ATP11A: variants seen among roughly 807,000 people sequenced by gnomAD.
ATP11A encodes the protein phospholipid-transporting ATPase IH.
A neutral mutation model predicts 154.4 loss-of-function variants in ATP11A; 81 were observed. The ratio of observed to expected loss-of-function variants is 0.52; its 90% CI spans 0.44 to 0.63. The LOEUF (loss-of-function observed/expected upper bound fraction) is 0.63, where lower values mean the gene tolerates loss of function less well. ATP11A is among the 30% of genes least tolerant of loss of function. The probability of loss-of-function intolerance (pLI) is 0.00; values close to 1 mark genes in which losing one functional copy is unlikely to be tolerated. For missense variants in ATP11A, 1,316 were observed against 1,474.3 expected (o/e 0.89, Z 1.76); for synonymous variants, 623 against 585.9 (o/e 1.06, Z -0.91).
At position 112,882,222 on chromosome 13, in the gene ATP11A, G is replaced by A. The variant is rs987779613; in HGVS notation, c.*356G>A. ...CCACACCAGTGGCCTCTGGGCATTC[G>A]GCTCAACGCAGGAGGGACATTCTGC... On this transcript the variant is annotated 3_prime_UTR_variant, in exon 30 of 30. Transcript: ENST00000375645. The surrounding 1 kb of genome is among the most constrained non-coding windows in gnomAD (Gnocchi z 5.1). The A allele has an allele frequency of 4.0e-5, 38 of 947,542 alleles. No homozygotes were observed. The highest frequency in any genetic ancestry group is 5.3e-5 in the Admixed American group (2 of 37,742). 58.7% of individuals were successfully genotyped at this position (947,542 alleles called of 1,614,324 possible). A position where few individuals can be genotyped will look rare whatever the true frequency, so the allele number is the denominator to read the frequency against.
At chr13:112,858,349 C>A in intron 22 of ATP11A, 59 bp downstream of exon 22, 3 of 1,531,410 alleles carry the variant, frequency 2.0e-6, no homozygotes, top group African/African-American at 2.8e-5. Flanking sequence ...CAGGGTGGCA[C>A]GACCCTTGTC....
intron 6 of ATP11A, among the ~76,000 whole-genome samples, chr13:112,817,175 A>G (rs2078668650): frequency 6.6e-6 from 1 of 152,246 alleles, no homozygotes; most frequent in African/African-American, 2.4e-5. Flanking sequence ...AGTTTATGAA[A>G]GTGAGCATAG....
chr13:112,705,389 AGTTGAT>A (rs978252025), intron 1 of ATP11A, among the ~76,000 whole-genome samples: 1 of 136,814 alleles, frequency 7.3e-6, no homozygotes, highest in African/African-American at 3.7e-5. Context: ...GGTGCTCAGC[AGTTGAT>A]GTTCATCCCG....
intron 12 of ATP11A, among the ~76,000 whole-genome samples, chr13:112,830,610 AT>A: frequency 6.6e-6 from 1 of 152,316 alleles, no homozygotes; most frequent in East Asian, 1.9e-4. Flanking sequence ...TGCTTTTGGG[AT>A]TGAAAAGCGT....
intron 2 of ATP11A, among the ~76,000 whole-genome samples, chr13:112,799,797 T>C (rs1278802147): frequency 1.3e-5 from 2 of 152,194 alleles, no homozygotes; most frequent in Non-Finnish European, 2.9e-5. Flanking sequence ...GGCCATAAAA[T>C]ACACCTTAGC....
intron 1 of ATP11A, among the ~76,000 whole-genome samples, chr13:112,758,488 A>G (rs148322104): frequency 0.012 from 1,781 of 151,560 alleles, 38 homozygotes; most frequent in African/African-American, 0.041. Context: ...CAGTGGCACA[A>G]TCTCGGCTCA....
chr13:112,756,122 C>T (rs888933656), intron 1 of ATP11A, among the ~76,000 whole-genome samples: 1 of 152,252 alleles, frequency 6.6e-6, no homozygotes, highest in African/African-American at 2.4e-5. Context: ...TTCTTAGCAA[C>T]CCTGGTGTTG....
At chr13:112,702,619 C>T (rs1886703191) in intron 1 of ATP11A, among the ~76,000 whole-genome samples, 1 of 152,274 alleles carries the variant, frequency 6.6e-6, no homozygotes, top group Non-Finnish European at 1.5e-5. Context: ...GGGCTTCTCT[C>T]TCTGTGAGAC....
intron 1 of ATP11A, among the ~76,000 whole-genome samples, chr13:112,719,579 G>A (rs1179488554): frequency 6.6e-6 from 1 of 152,296 alleles, no homozygotes; most frequent in Admixed American, 6.5e-5. Flanking sequence ...CTCCCACTGG[G>A]CAATGGCAGA....
chr13:112,865,937 C>A (rs1244918677), intron 25 of ATP11A, among the ~76,000 whole-genome samples: 1 of 152,214 alleles, frequency 6.6e-6, no homozygotes, highest in Non-Finnish European at 1.5e-5. Context: ...ACCATTTAGA[C>A]ATTGCATTTT....
chr13:112,724,058 A>C (rs1594425319), intron 1 of ATP11A, among the ~76,000 whole-genome samples: 1 of 149,946 alleles, frequency 6.7e-6, no homozygotes, highest in South Asian at 2.1e-4. Flanking sequence ...CACACCTCTC[A>C]CCAGCGCCCA....
intron 1 of ATP11A, among the ~76,000 whole-genome samples, chr13:112,774,680 T>C (rs2077303716): frequency 1.3e-5 from 2 of 152,244 alleles, no homozygotes; most frequent in African/African-American, 4.8e-5. Flanking sequence ...TTCGCCTTCC[T>C]GTGTTTGCAT....
At position 112,799,606 on chromosome 13, in the gene ATP11A, TGGA is replaced by T. The variant is rs1452411624; in HGVS notation, c.163-5350_163-5348del. On this transcript the variant is annotated intron_variant, in intron 2 of 29. Coordinates refer to ENST00000375645, the MANE Select transcript of ATP11A (RefSeq NM_015205.3). ...GTGAGGCAGGAACAAATCACAAAGG[TGGA>T]ATGTCATCTTTTGTGGTTCTTCAGT... 2.0e-5 allele frequency among the ~76,000 whole-genome samples: 3 copies of T among 152,178 alleles called. No homozygotes were observed. In the East Asian group the frequency reaches 5.8e-4, roughly 29 times the overall value.
intron 1 of ATP11A, among the ~76,000 whole-genome samples, chr13:112,784,511 G>T (rs2077573712): frequency 6.7e-6 from 1 of 150,166 alleles, no homozygotes; most frequent in South Asian, 2.1e-4. Context: ...TTACGATTTG[G>T]CCACACGTTC....
Position 112,792,626 on chromosome 13 carries a change from T to C in ATP11A, c.162+7369T>C, listed in dbSNP as rs138908962. ...TTGACGGAAGTGCAGTTACTGGTGA[T>C]AGGTGATGATAGAGTTTGTTTCCTT... On this transcript the variant is annotated intron_variant, in intron 2 of 29. Transcript: ENST00000375645. Among the ~76,000 whole-genome samples, 143 of 152,304 alleles carry C rather than the reference T, an allele frequency of 9.4e-4. 1 individual carries two copies. Among genetic ancestry groups the C allele is most frequent in the Admixed American group, 1.8e-3 (28 of 15,300 alleles).
At position 112,755,366 on chromosome 13, in the gene ATP11A, A is replaced by G. The variant is rs560313008; in HGVS notation, c.40-29769A>G. Among the ~76,000 whole-genome samples the G allele has an allele frequency of 2.6e-5, 4 of 152,164 alleles. No individual in the cohort carries two copies. The South Asian group carries it at 8.3e-4, about 32-fold the overall frequency. On this transcript the variant is annotated intron_variant, in intron 1 of 29. Transcript: ENST00000375645. ...TCTGCCCAGCTTGGACAGTCTCTCT[A>G]CACCCAGAGACCGGTTTTCCGCTTC...
chr13:112,708,684 T>C (rs1887421058), intron 1 of ATP11A, among the ~76,000 whole-genome samples: 1 of 152,256 alleles, frequency 6.6e-6, no homozygotes, highest in Non-Finnish European at 1.5e-5. Flanking sequence ...GTTTCTCGGC[T>C]TCCCTGGCTG....
At chr13:112,734,386 T>C (rs1890791989) in intron 1 of ATP11A, among the ~76,000 whole-genome samples, 1 of 152,018 alleles carries the variant, frequency 6.6e-6, no homozygotes, top group African/African-American at 2.4e-5. Context: ...CTGAAAGAGG[T>C]TGGTCTTCAT....
rs2078221766 is a variant in ATP11A at position 112,803,881 on chromosome 13, T to TC, written c.163-1073dup. ...CCTTTTCCTCCTTGCTTCCCTTCCT[T>TC]CCCTCATTCCCCTCCTTCCCTCCTT... On this transcript the variant is annotated intron_variant, in intron 2 of 29. Coordinates refer to ENST00000375645, the MANE Select transcript of ATP11A (RefSeq NM_015205.3). Among the ~76,000 whole-genome samples, 59 of 54,160 alleles carry TC rather than the reference T, an allele frequency of 1.1e-3. 1 individual carries two copies. Among genetic ancestry groups the TC allele is most frequent in the Non-Finnish European group, 1.9e-3 (48 of 25,930 alleles). 35.5% of individuals were successfully genotyped at this position (54,160 alleles called of 152,430 possible).
Sources: gnomAD v4.1 joint callset for allele counts (sites outside exome capture counted in the v4.1 genomes callset) on GRCh38, gnomAD v4.1.1 for gene constraint, Gnocchi (gnomAD v3.1) non-coding constraint, MANE v1.5 for transcripts, NCBI Gene and HGNC (gene_info 2026-07-23, HGNC 2026-07-21) for gene names.